Variants in PPARGC1A observed in about 807,000 individuals in gnomAD.
PPARGC1A encodes the protein peroxisome proliferator-activated receptor gamma coactivator 1-alpha.
Under a neutral mutation model 88.7 loss-of-function variants are expected in PPARGC1A, and 25 were observed. That is an observed-to-expected ratio of 0.28 (90% CI 0.21 to 0.39). PPARGC1A has a LOEUF of 0.39. Ranked by LOEUF, PPARGC1A falls within the 10% of genes least tolerant of loss-of-function variation. The pLI is 1.00. For missense variants in PPARGC1A, 880 were observed against 968.7 expected, an observed-to-expected ratio of 0.91 and a Z score of 1.22; for synonymous variants, 363 against 355.6, an observed-to-expected ratio of 1.02 and a Z score of -0.24.
chr4:24,362,275 A>G, the PPARGC1A span, among the ~76,000 whole-genome samples: 5 of 152,250 alleles, frequency 3.3e-5, no homozygotes, highest in East Asian at 9.7e-4. Context: ...GAGGTTCCAG[A>G]TTCCTGTATC....
the PPARGC1A span, among the ~76,000 whole-genome samples, chr4:24,083,874 C>T: frequency 6.6e-6 from 1 of 152,176 alleles, no homozygotes; most frequent in South Asian, 2.1e-4. Flanking sequence ...TCGTTTTTGT[C>T]CTGTCTAACA....
the PPARGC1A span, among the ~76,000 whole-genome samples, chr4:24,426,658 T>C: frequency 6.6e-6 from 1 of 152,234 alleles, no homozygotes; most frequent in East Asian, 1.9e-4. Flanking sequence ...AAGTATGGGC[T>C]AGTGCTCATT....
At chr4:24,147,511 C>G in the PPARGC1A span, among the ~76,000 whole-genome samples, 1 of 152,148 alleles carries the variant, frequency 6.6e-6, no homozygotes, top group Non-Finnish European at 1.5e-5. Flanking sequence ...TCTGAAGAAC[C>G]TGAATTACTC....
chr4:23,933,207 T>G, the PPARGC1A span, among the ~76,000 whole-genome samples: 1 of 152,126 alleles, frequency 6.6e-6, no homozygotes, highest in Non-Finnish European at 1.5e-5. Flanking sequence ...CCACAAAGAA[T>G]GAAGTCTACC....
At chr4:24,214,499 G>A in the PPARGC1A span, among the ~76,000 whole-genome samples, 1 of 152,164 alleles carries the variant, frequency 6.6e-6, no homozygotes, top group African/African-American at 2.4e-5. Context: ...GGAAGAGGAG[G>A]AAGACATAAA....
At chr4:23,944,504 A>C in the PPARGC1A span, among the ~76,000 whole-genome samples, 1 of 152,180 alleles carries the variant, frequency 6.6e-6, no homozygotes, top group Non-Finnish European at 1.5e-5. Context: ...CTGTTAAATA[A>C]ATGAGTGTAT....
the PPARGC1A span, among the ~76,000 whole-genome samples, chr4:24,301,206 A>AT: frequency 1.3e-5 from 2 of 152,252 alleles, no homozygotes; most frequent in East Asian, 1.9e-4. Flanking sequence ...ACTAGTAGAT[A>AT]TTTTTTCAAT....
At chr4:24,350,226 C>T in the PPARGC1A span, among the ~76,000 whole-genome samples, 25 of 152,228 alleles carry the variant, frequency 1.6e-4, no homozygotes, top group African/African-American at 5.8e-4. Context: ...TTCTTGCAGT[C>T]GATCTAGAGC....
chr4:23,901,293 C>A (rs1719320085), upstream of PPARGC1A, among the ~76,000 whole-genome samples: 1 of 151,028 alleles, frequency 6.6e-6, no homozygotes, highest in Non-Finnish European at 1.5e-5. Context: ...TGGCGTGAAC[C>A]CGGGAGGCGG....
At chr4:23,879,291 A>G (rs1715438260) in intron 2 of PPARGC1A, among the ~76,000 whole-genome samples, 1 of 152,222 alleles carries the variant, frequency 6.6e-6, no homozygotes, top group Admixed American at 6.5e-5. Flanking sequence ...GGAATTCATT[A>G]CCATGGAAGG....
At chr4:23,997,548 G>A in the PPARGC1A span, among the ~76,000 whole-genome samples, 9 of 115,744 alleles carry the variant, frequency 7.8e-5, no homozygotes, top group Admixed American at 1.0e-3. Flanking sequence ...TGTCACCCAC[G>A]CTAGAGGGCA....
the PPARGC1A span, among the ~76,000 whole-genome samples, chr4:24,466,097 C>G: frequency 1.3e-5 from 2 of 152,078 alleles, no homozygotes; most frequent in East Asian, 3.9e-4. Context: ...TTTAGAAGGC[C>G]CTGTCTATCT....
At chr4:24,324,646 A>G in the PPARGC1A span, among the ~76,000 whole-genome samples, 1 of 152,338 alleles carries the variant, frequency 6.6e-6, no homozygotes, top group Non-Finnish European at 1.5e-5. Flanking sequence ...AATAGCCGGA[A>G]AATGGCACTT....
the PPARGC1A span, among the ~76,000 whole-genome samples, chr4:23,918,160 G>A: frequency 6.6e-6 from 1 of 152,026 alleles, no homozygotes; most frequent in South Asian, 2.1e-4. Flanking sequence ...ATAACTACCA[G>A]GCACTGCAAT....
At chr4:24,309,146 A>G in the PPARGC1A span, among the ~76,000 whole-genome samples, 3 of 152,348 alleles carry the variant, frequency 2.0e-5, no homozygotes, top group East Asian at 5.8e-4. Flanking sequence ...GGAAAGAAAA[A>G]AAAAGATGTC....
the PPARGC1A span, among the ~76,000 whole-genome samples, chr4:23,985,198 A>G: frequency 6.6e-6 from 1 of 152,114 alleles, no homozygotes; most frequent in Non-Finnish European, 1.5e-5. Flanking sequence ...TACCAAACAA[A>G]TGGGAAATTG....
the PPARGC1A span, among the ~76,000 whole-genome samples, chr4:24,394,355 G>T: frequency 7.2e-5 from 11 of 152,208 alleles, no homozygotes; most frequent in African/African-American, 1.2e-4. Context: ...CAAGGAGAGA[G>T]AAGGCAGAAA....
chr4:23,875,124 T>C (rs1197105745), intron 2 of PPARGC1A, among the ~76,000 whole-genome samples: 1 of 152,210 alleles, frequency 6.6e-6, no homozygotes, highest in East Asian at 1.9e-4. Context: ...ACTAAGAAGT[T>C]CAAGTTAGTA....
chr4:23,939,874 G>T, the PPARGC1A span, among the ~76,000 whole-genome samples: 2 of 152,112 alleles, frequency 1.3e-5, no homozygotes, highest in Non-Finnish European at 2.9e-5. Flanking sequence ...TCAGCATCTG[G>T]TCTGTTTTTC....
Sources: allele counts gnomAD v4.1 joint callset (sites outside exome capture counted in the v4.1 genomes callset), GRCh38; gene constraint gnomAD v4.1.1; transcripts MANE v1.5; gene names NCBI Gene and HGNC (gene_info 2026-07-23, HGNC 2026-07-21).